UCK2: variants seen among roughly 807,000 people sequenced by gnomAD.
The protein encoded by UCK2 is cytidine monophosphokinase 2.
Under a neutral mutation model 30.8 loss-of-function variants are expected in UCK2, and 6 were observed. That is an observed-to-expected ratio of 0.19 (90% CI 0.11 to 0.38). The LOEUF is 0.38. UCK2 is among the 10% of genes least tolerant of loss of function. The probability of loss-of-function intolerance (pLI) is 1.00; values close to 1 mark genes in which losing one functional copy is unlikely to be tolerated. For missense variants in UCK2, 210 were observed against 339.8 expected (o/e 0.62, Z 3.00); for synonymous variants, 125 against 133.6 (o/e 0.94, Z 0.45).
intron 1 of UCK2, among the ~76,000 whole-genome samples, chr1:165,842,987 G>A (rs763472994): frequency 6.6e-6 from 1 of 152,158 alleles, no homozygotes; most frequent in Non-Finnish European, 1.5e-5. Context: ...CTTTTGTGTG[G>A]TCACTTTTAC....
At chr1:165,901,255 G>C (rs1647450871) in intron 4 of UCK2, among the ~76,000 whole-genome samples, 1 of 152,190 alleles carries the variant, frequency 6.6e-6, no homozygotes, top group Non-Finnish European at 1.5e-5. Flanking sequence ...TTTATTACCA[G>C]GTCTCCCATG....
intron 1 of UCK2, among the ~76,000 whole-genome samples, chr1:165,887,573 T>C (rs1003509290): frequency 1.3e-5 from 2 of 152,184 alleles, no homozygotes; most frequent in Non-Finnish European, 2.9e-5. Context: ...TACATTTGGC[T>C]TCGTGAATCA....
chr1:165,894,001 A>G (rs1655831217), intron 3 of UCK2, among the ~76,000 whole-genome samples: 1 of 152,206 alleles, frequency 6.6e-6, no homozygotes, highest in Admixed American at 6.5e-5. Context: ...CCAAAATCTG[A>G]AACTTTTTGA....
intron 1 of UCK2, among the ~76,000 whole-genome samples, chr1:165,829,143 G>T (rs1446069204): frequency 6.6e-6 from 1 of 152,172 alleles, no homozygotes; most frequent in Non-Finnish European, 1.5e-5. Context: ...CACGGCGGCT[G>T]GCGCTGCTGG....
intron 4 of UCK2, chr1:165,900,372 A>G (rs983467179): frequency 6.6e-6 from 1 of 152,246 alleles, no homozygotes; most frequent in Non-Finnish European, 1.5e-5. Context: ...GGAAGGTACC[A>G]TTATTGTCCC....
intron 1 of UCK2, among the ~76,000 whole-genome samples, chr1:165,886,646 T>G (rs1395748054): frequency 6.6e-6 from 1 of 152,166 alleles, no homozygotes; most frequent in Non-Finnish European, 1.5e-5. Context: ...TTCATCCTTT[T>G]GAAGAGAGGG....
intron 1 of UCK2, among the ~76,000 whole-genome samples, chr1:165,828,276 G>A (rs557804186): frequency 6.6e-6 from 1 of 152,188 alleles, no homozygotes; most frequent in Admixed American, 6.5e-5. Flanking sequence ...TCCAGTGTCG[G>A]GGGAGAGGGC....
chr1:165,880,965 AGTTC>A (rs1655483493), intron 1 of UCK2, among the ~76,000 whole-genome samples: 1 of 151,976 alleles, frequency 6.6e-6, no homozygotes, highest in South Asian at 2.1e-4. Context: ...TTGGGTCAGG[AGTTC>A]GAGACCAGCC....
rs1484482289 is a variant in UCK2, at chr1:165,896,272, G to A, written c.439G>A (p.Asp147Asn). 6.2e-7 allele frequency: 1 copy of A among 1,614,126 alleles called. No individual in the cohort carries two copies. The highest frequency in any genetic ancestry group is 8.5e-7 in the Non-Finnish European group (1 of 1,180,050). The change falls in exon 4 of 7, where the codon GAC becomes AAC. Residue 147 changes from aspartate to asparagine, a missense_variant. By Grantham distance (23) the Asp-to-Asn change is conservative. Coordinates refer to ENST00000367879, the MANE Select transcript of UCK2 (RefSeq NM_012474.5). ...ILAFYSQEVR[D>N]LFQMKLFVDT... ...GGCCTTCTACTCCCAGGAGGTACGA[G>A]ACCTGTTCCAGATGAAGCTTTTTGT...
chr1:165,832,370 G>A (rs1178344461), intron 1 of UCK2, among the ~76,000 whole-genome samples: 1 of 152,106 alleles, frequency 6.6e-6, no homozygotes, highest in Non-Finnish European at 1.5e-5. Flanking sequence ...TAAGTGCTTG[G>A]GATTGAGGGG....
intron 1 of UCK2, among the ~76,000 whole-genome samples, chr1:165,849,788 C>G (rs900553298): frequency 6.6e-6 from 1 of 152,132 alleles, no homozygotes; most frequent in Admixed American, 6.5e-5. Context: ...AAAAATCTGT[C>G]TCTTGGAATG....
chr1:165,868,128 G>A (rs1408532016), intron 1 of UCK2, among the ~76,000 whole-genome samples: 1 of 152,164 alleles, frequency 6.6e-6, no homozygotes, highest in African/African-American at 2.4e-5. Context: ...ATTTTGAAAG[G>A]AATCTTTTTT....
intron 1 of UCK2, among the ~76,000 whole-genome samples, chr1:165,832,078 T>G (rs990138721): frequency 6.6e-5 from 10 of 152,332 alleles, no homozygotes; most frequent in African/African-American, 1.9e-4. Context: ...CTTATTTTTC[T>G]ACACAGCCAA....
At chr1:165,891,396 C>T (rs1163039595) in intron 3 of UCK2, 74 bp downstream of exon 3, 1 of 1,361,554 alleles carries the variant, frequency 7.3e-7, no homozygotes, top group African/African-American at 1.4e-5. Context: ...CTGAGACCTC[C>T]TTCCTTACCT....
intron 1 of UCK2, among the ~76,000 whole-genome samples, chr1:165,841,267 T>TCCG (rs1654325010): frequency 6.6e-6 from 1 of 152,084 alleles, no homozygotes; most frequent in Admixed American, 6.6e-5. Flanking sequence ...CACTGCATCC[T>TCCG]CCGCCTCCTA....
At chr1:165,858,422 AC>A (rs1654808271) in intron 1 of UCK2, among the ~76,000 whole-genome samples, 1 of 151,918 alleles carries the variant, frequency 6.6e-6, no homozygotes. Flanking sequence ...TTCCCAGTCC[AC>A]CCCCTTGGGA....
intron 1 of UCK2, among the ~76,000 whole-genome samples, chr1:165,870,365 A>G (rs1655166131): frequency 6.6e-6 from 1 of 150,676 alleles, no homozygotes; most frequent in South Asian, 2.1e-4. Context: ...TCCCAGTACC[A>G]TTTGCTGGAT....
chr1:165,856,546 T>G (rs1167128964), intron 1 of UCK2, among the ~76,000 whole-genome samples: 1 of 151,904 alleles, frequency 6.6e-6, no homozygotes, highest in Non-Finnish European at 1.5e-5. Flanking sequence ...GTTCTTAGTT[T>G]AAAAATTTAG....
intron 1 of UCK2, among the ~76,000 whole-genome samples, chr1:165,863,608 A>G (rs972721279): frequency 2.0e-5 from 3 of 152,234 alleles, no homozygotes; most frequent in African/African-American, 7.2e-5. Context: ...TTTGTAAAGA[A>G]GAGAACATTC....
Sources: gnomAD v4.1 joint callset for allele counts (sites outside exome capture counted in the v4.1 genomes callset) on GRCh38, gnomAD v4.1.1 for gene constraint, MANE v1.5 for transcripts, NCBI Gene and HGNC (gene_info 2026-07-23, HGNC 2026-07-21) for gene names.